The following CALN1 variants were observed in gnomAD, a reference collection of about 807,000 sequenced individuals.
The protein encoded by CALN1 is calcium-binding protein 8.
In CALN1, 17 loss-of-function variants were observed where a neutral mutation model predicts 30.6. The ratio of observed to expected loss-of-function variants is 0.56; its 90% CI spans 0.38 to 0.83. CALN1 has a LOEUF of 0.83. Ranked by LOEUF, CALN1 falls within the 40% of genes least tolerant of loss-of-function variation. The probability of loss-of-function intolerance (pLI) is 0.00; values close to 1 mark genes in which losing one functional copy is unlikely to be tolerated. For synonymous variants in CALN1, 156 were observed against 131.4 expected, an observed-to-expected ratio of 1.19 and a Z score of -1.28; for missense variants, 291 against 354.9, an observed-to-expected ratio of 0.82 and a Z score of 1.45.
intron 2 of CALN1, among the ~76,000 whole-genome samples, chr7:72,344,806 T>C (rs1802548080): frequency 6.8e-6 from 1 of 147,380 alleles, no homozygotes; most frequent in African/African-American, 2.5e-5. Flanking sequence ...GCCAAAAAAA[T>C]GAAATCCAGG....
intron 3 of CALN1, among the ~76,000 whole-genome samples, chr7:72,120,532 G>T (rs1808304888): frequency 6.6e-6 from 1 of 152,032 alleles, no homozygotes; most frequent in South Asian, 2.1e-4. Flanking sequence ...CATTTTCATG[G>T]CCATTTCCTT....
At chr7:72,133,321 AG>A (rs1809288304) in intron 3 of CALN1, among the ~76,000 whole-genome samples, 1 of 152,190 alleles carries the variant, frequency 6.6e-6, no homozygotes, top group African/African-American at 2.4e-5. Context: ...CAGCTTGAAG[AG>A]GCTACTACTA....
chr7:72,397,716 A>ACACACT (rs1562947182), intron 2 of CALN1, among the ~76,000 whole-genome samples: 58 of 54,312 alleles, frequency 1.1e-3, no homozygotes, highest in African/African-American at 3.4e-3. Context: ...ATTCTCTCTC[A>ACACACT]CACACACACA....
chr7:72,360,561 T>C (rs931474621), intron 2 of CALN1, among the ~76,000 whole-genome samples: 2 of 151,512 alleles, frequency 1.3e-5, no homozygotes, highest in Non-Finnish European at 2.9e-5. Context: ...AATGAAACGA[T>C]AGCATTAGAT....
intron 4 of CALN1, among the ~76,000 whole-genome samples, chr7:72,086,537 G>A (rs973803838): frequency 1.3e-5 from 2 of 151,910 alleles, no homozygotes; most frequent in Non-Finnish European, 2.9e-5. Flanking sequence ...GAGTTCAAGC[G>A]ATTCTCCCAC....
chr7:72,000,099 T>C lies in CALN1; in HGVS notation c.501+23558A>G, dbSNP rs570599973. ...GTGGAATGTCAATCAATAATCGAAG[T>C]TCCTATCTCAAGAAACTAAAAAAAG... is the stretch of plus-strand genomic sequence containing the variant. On this transcript the variant is annotated intron_variant, in intron 5 of 6. Transcript: ENST00000395275. 2.6e-5 allele frequency among the ~76,000 whole-genome samples: 4 copies of C among 151,808 alleles called. No homozygotes were observed. The South Asian group carries it at 8.3e-4, about 32-fold the overall frequency.
At chr7:72,338,243 G>T (rs967100620) in intron 2 of CALN1, among the ~76,000 whole-genome samples, 1 of 151,984 alleles carries the variant, frequency 6.6e-6, no homozygotes, top group Non-Finnish European at 1.5e-5. Context: ...CTCCTCTCCC[G>T]GGTCCCCAGT....
At chr7:72,381,239 G>C (rs529330976) in intron 2 of CALN1, among the ~76,000 whole-genome samples, 14 of 152,312 alleles carry the variant, frequency 9.2e-5, no homozygotes, top group African/African-American at 3.1e-4. Context: ...CTGTTGGTGA[G>C]AGTGTAAATT....
chr7:72,200,090 T>C (rs1384339722), intron 3 of CALN1, among the ~76,000 whole-genome samples: 1 of 152,138 alleles, frequency 6.6e-6, no homozygotes, highest in Non-Finnish European at 1.5e-5. Context: ...GCCTCTCCAC[T>C]ATATCTCACC....
chr7:72,487,713 A>AAAAGAAAGTAAG, the CALN1 span, among the ~76,000 whole-genome samples: 13 of 68,704 alleles, frequency 1.9e-4, no homozygotes, highest in East Asian at 5.9e-3. Flanking sequence ...AAAAGAAAAG[A>AAAAGAAAGTAAG]AAAGAAAGAA....
intron 5 of CALN1, among the ~76,000 whole-genome samples, chr7:71,815,795 C>T (rs1788226525): frequency 9.7e-6 from 1 of 102,852 alleles, no homozygotes; most frequent in Non-Finnish European, 1.9e-5. Flanking sequence ...TCCTCCCTTC[C>T]CACCCTCCCG....
intron 3 of CALN1, among the ~76,000 whole-genome samples, chr7:72,138,588 G>A (rs906852996): frequency 8.5e-5 from 13 of 152,204 alleles, no homozygotes; most frequent in African/African-American, 3.1e-4. Context: ...CTGAAGGTGC[G>A]TATTTTAGCA....
intron 2 of CALN1, among the ~76,000 whole-genome samples, chr7:72,294,750 T>TAATAAACAAATAAATA (rs1798734390): frequency 6.8e-6 from 1 of 147,838 alleles, no homozygotes; most frequent in African/African-American, 2.5e-5. Flanking sequence ...TCTAAAAAAG[T>TAATAAACAAATAAATA]AATAAATAAA....
chr7:72,167,029 G>C (rs1403845068), intron 3 of CALN1, among the ~76,000 whole-genome samples: 2 of 151,680 alleles, frequency 1.3e-5, no homozygotes, highest in South Asian at 4.2e-4. Context: ...GCAAGACCCT[G>C]TCTCAAGGAA....
At chr7:71,962,930 T>C (rs1797322047) in intron 5 of CALN1, among the ~76,000 whole-genome samples, 1 of 152,190 alleles carries the variant, frequency 6.6e-6, no homozygotes, top group Admixed American at 6.5e-5. Context: ...ACTCAAATTC[T>C]AGTAACCTTG....
At position 72,412,311 on chromosome 7, in the gene CALN1, T is replaced by G. The variant is rs1038639296; in HGVS notation, c.-327A>C. The G allele has an allele frequency of 1.3e-5, 2 of 151,912 alleles. No individual in the cohort carries two copies. The highest frequency in any genetic ancestry group is 1.3e-4 in the Admixed American group (2 of 15,246). 9.4% of individuals were successfully genotyped at this position (151,912 alleles called of 1,614,324 possible). On this transcript the variant is annotated 5_prime_UTR_variant, in exon 1 of 7. Transcript: ENST00000395275. ...AAGCAGGAAAGAAAAAAACACAAACTCAAGCGGATAGCACCCCAGCGAGCT... is the reference window on the plus strand; with the variant it reads ...AAGCAGGAAAGAAAAAAACACAAACGCAAGCGGATAGCACCCCAGCGAGCT...
At chr7:71,898,425 A>G (rs921600120) in intron 5 of CALN1, among the ~76,000 whole-genome samples, 1 of 152,194 alleles carries the variant, frequency 6.6e-6, no homozygotes, top group African/African-American at 2.4e-5. Context: ...GGATTTAGGA[A>G]CTGAAATGTA....
At chr7:72,296,127 G>T (rs1798836801) in intron 2 of CALN1, among the ~76,000 whole-genome samples, 1 of 151,808 alleles carries the variant, frequency 6.6e-6, no homozygotes, top group South Asian at 2.1e-4. Flanking sequence ...TAATCATGTG[G>T]TTTTTGTCTT....
chr7:71,901,316 C>A (rs145288588), intron 5 of CALN1, among the ~76,000 whole-genome samples: 30 of 151,738 alleles, frequency 2.0e-4, no homozygotes, highest in Middle Eastern at 6.8e-3. Context: ...GAATCTGTAT[C>A]ATTGGAATGC....
Sources: allele counts gnomAD v4.1 joint callset (sites outside exome capture counted in the v4.1 genomes callset), GRCh38; gene constraint gnomAD v4.1.1; transcripts MANE v1.5; gene names NCBI Gene and HGNC (gene_info 2026-07-23, HGNC 2026-07-21).